SPEF2: variants seen among roughly 807,000 people sequenced by gnomAD.
SPEF2 encodes the protein sperm flagellar and cilia associated 2.
A neutral mutation model predicts 224.6 loss-of-function variants in SPEF2; 187 were observed. The observed-to-expected ratio is 0.83, with a 90% CI of 0.74 to 0.94. The LOEUF is 0.94. Among genes scored for constraint, SPEF2 ranks in the 40% least tolerant of loss-of-function variants. The probability of loss-of-function intolerance (pLI) is 0.00; values close to 1 mark genes in which losing one functional copy is unlikely to be tolerated. For synonymous variants in SPEF2, 715 were observed against 707.3 expected, an observed-to-expected ratio of 1.01 and a Z score of -0.17; for missense variants, 2,170 against 2,135.6, an observed-to-expected ratio of 1.02 and a Z score of -0.32.
intron 30 of SPEF2, among the ~76,000 whole-genome samples, chr5:35,785,812 C>A (rs534089818): frequency 8.6e-5 from 13 of 152,038 alleles, no homozygotes; most frequent in African/African-American, 3.1e-4. Context: ...CCACCTCGGC[C>A]TCCCAAAGTG....
At chr5:35,672,145 G>A (rs62351872) in intron 10 of SPEF2, among the ~76,000 whole-genome samples, 16,336 of 150,790 alleles carry the variant, frequency 0.11, 1,324 homozygotes, top group East Asian at 0.38. Context: ...AAAAGAAACA[G>A]TTGTCCACGT....
intron 20 of SPEF2, among the ~76,000 whole-genome samples, chr5:35,724,520 C>T (rs558714880): frequency 6.6e-5 from 10 of 152,094 alleles, no homozygotes; most frequent in Non-Finnish European, 1.2e-4. Context: ...ATCAAAAGAA[C>T]ATTTATCAAT....
chr5:35,700,516 ACTGTATC>A lies in SPEF2; in HGVS notation c.2165_2171del (p.Cys722Ter). 1.2e-6 allele frequency: 2 copies of A among 1,613,046 alleles called. No homozygotes were observed. Among genetic ancestry groups the A allele is most frequent in the Non-Finnish European group, 1.7e-6 (2 of 1,179,720 alleles). On this transcript the variant is annotated frameshift_variant, in exon 16 of 37. Coordinates refer to ENST00000356031, the MANE Select transcript of SPEF2 (RefSeq NM_024867.4). LOFTEE classifies it high-confidence loss of function. ...TTTAGTGAGATACCTGTGAATCAAG[ACTGTATC>A]CTAGATGGTTTTCCAATGACTTTAA...
chr5:35,764,849 T>C (rs562266754), intron 26 of SPEF2: 27 of 389,896 alleles, frequency 6.9e-5, no homozygotes, highest in African/African-American at 5.5e-4. Flanking sequence ...CTTTTCTCCC[T>C]CTCACAAGCA....
intron 30 of SPEF2, chr5:35,781,170 A>T (rs1269527034): frequency 6.6e-6 from 1 of 151,006 alleles, no homozygotes; most frequent in Admixed American, 6.6e-5. Context: ...TTATTTTTTT[A>T]AAAGCAGAGT....
At chr5:35,798,719 G>A (rs1224303840) in intron 33 of SPEF2, among the ~76,000 whole-genome samples, 3 of 151,704 alleles carry the variant, frequency 2.0e-5, no homozygotes, top group African/African-American at 4.8e-5. Flanking sequence ...TCAGCCTCTC[G>A]AGCAGCTGGG....
chr5:35,710,043 G>C, intron 19 of SPEF2: 1 of 979,488 alleles, frequency 1.0e-6, no homozygotes, highest in Non-Finnish European at 1.2e-6. Context: ...GAAGACTTTA[G>C]TAAGATATAT....
At chr5:35,780,962 C>A (rs1252099868) in intron 30 of SPEF2, among the ~76,000 whole-genome samples, 4 of 151,912 alleles carry the variant, frequency 2.6e-5, no homozygotes, top group African/African-American at 9.7e-5. Context: ...CTCATATTTC[C>A]ACTAAAAATT....
At chr5:35,759,482 A>T (rs1467084669) in intron 24 of SPEF2, 86 bp from the exon 25 acceptor site, 4 of 1,184,372 alleles carry the variant, frequency 3.4e-6, no homozygotes, top group Non-Finnish European at 4.5e-6. Flanking sequence ...TGTTTTCAAA[A>T]TAGTGCTTTC....
chr5:35,697,404 A>G (rs558859512), intron 14 of SPEF2, among the ~76,000 whole-genome samples: 1 of 152,286 alleles, frequency 6.6e-6, no homozygotes, highest in South Asian at 2.1e-4. Flanking sequence ...CTAGAGCCCA[A>G]GAAGAGAGCT....
At chr5:35,800,201 G>A (rs1416802132) in intron 34 of SPEF2, 54 bp downstream of exon 34, 1 of 1,565,522 alleles carries the variant, frequency 6.4e-7, no homozygotes, top group Non-Finnish European at 8.7e-7. Flanking sequence ...GATGCCTGAA[G>A]ATCCTAAACT....
At chr5:35,762,161 G>T (rs976263589) in intron 25 of SPEF2, among the ~76,000 whole-genome samples, 6 of 151,952 alleles carry the variant, frequency 3.9e-5, no homozygotes, top group African/African-American at 1.5e-4. Flanking sequence ...TATTCCAAGA[G>T]GAACTGAACC....
Position 35,773,948 on chromosome 5 carries a change from T to G in SPEF2, c.4005T>G (p.Ile1335Met). 1 of 1,613,298 alleles carries G rather than the reference T, an allele frequency of 6.2e-7. No homozygotes were observed. ...CTGTCATAGTAACAACAGAGGAAAT[T>G]GCTGAAATCAAAAGGAAAAATGAAC... ...ATPVIVTTEE[I>M]AEIKRKNELR... Residue 1335 changes from isoleucine to methionine, a missense_variant, in exon 28 of 37, where the codon ATT becomes ATG. Ile to Met is a conservative substitution (Grantham distance 10). Coordinates refer to ENST00000356031, the MANE Select transcript of SPEF2 (RefSeq NM_024867.4).
intron 18 of SPEF2, among the ~76,000 whole-genome samples, chr5:35,706,232 A>G (rs1739739314): frequency 6.6e-6 from 1 of 151,914 alleles, no homozygotes; most frequent in Non-Finnish European, 1.5e-5. Flanking sequence ...TTATAAAGAA[A>G]CCATGTGAAT....
At chr5:35,642,640 C>T (rs879447670) in intron 3 of SPEF2, among the ~76,000 whole-genome samples, 5 of 152,172 alleles carry the variant, frequency 3.3e-5, no homozygotes, top group Admixed American at 2.6e-4. Context: ...TGACAATTCT[C>T]TCCAGTTTTT....
rs763789828 is a variant in SPEF2 at position 35,800,138 on chromosome 5, T to G, written c.5001T>G (p.Ser1667Arg). ...VFQQVKASIP[S>R]AEKTSSTDAG... The stretch of plus-strand genomic sequence containing the variant: ...AACAAGTCAAAGCTTCCATTCCAAG[T>G]GCAGAAAAGGTAATTGCATTCCAGA... Residue 1667 changes from serine to arginine, a missense_variant, in exon 34 of 37, where the codon AGT becomes AGG. Transcript: ENST00000356031. 1 of 1,614,086 alleles carries G rather than the reference T, an allele frequency of 6.2e-7. No individual in the cohort carries two copies. Among genetic ancestry groups the G allele is most frequent in the South Asian group, 1.1e-5 (1 of 91,062 alleles).
Position 35,692,614 on chromosome 5 carries a change from G to T in SPEF2, c.1789G>T (p.Ala597Ser). 1.2e-6 allele frequency: 2 copies of T among 1,613,512 alleles called. No individual in the cohort carries two copies. The highest frequency in any genetic ancestry group is 1.7e-6 in the Non-Finnish European group (2 of 1,179,602). The change falls in exon 12 of 37, where the codon GCT (alanine) becomes TCT (serine). Residue 597 changes from alanine to serine, a missense_variant. Physicochemically the swap from Ala to Ser is moderately conservative, Grantham distance 99. Coordinates refer to ENST00000356031, the MANE Select transcript of SPEF2 (RefSeq NM_024867.4). Reference protein sequence around the residue: ...ILSIDTLVQEAIQAFHDNEKV... With the variant: ...ILSIDTLVQESIQAFHDNEKV... ...TTCTATTGACACTCTTGTCCAAGAA[G>T]CTATCCAAGCATTTCATGACAATGA...
intron 6 of SPEF2, 22 bp from the exon 7 acceptor site, chr5:35,654,518 A>T: frequency 1.3e-6 from 2 of 1,521,894 alleles, no homozygotes; most frequent in South Asian, 2.7e-5. Flanking sequence ...TAAAAATCTA[A>T]AATAAAAACT....
At chr5:35,733,543 AAG>A (rs1432887185) in intron 21 of SPEF2, among the ~76,000 whole-genome samples, 1 of 152,236 alleles carries the variant, frequency 6.6e-6, no homozygotes. Flanking sequence ...ATATTATAGG[AAG>A]AGAGAATCTC....
Sources: allele counts gnomAD v4.1 joint callset (sites outside exome capture counted in the v4.1 genomes callset), GRCh38; gene constraint gnomAD v4.1.1; transcripts MANE v1.5; gene names NCBI Gene and HGNC (gene_info 2026-07-23, HGNC 2026-07-21).